Variants in FRMPD4 observed in about 807,000 individuals in gnomAD.
FRMPD4 encodes the protein FERM and PDZ domain containing 4.
Under a neutral mutation model 94.1 loss-of-function variants are expected in FRMPD4, and 22 were observed. The ratio of observed to expected loss-of-function variants is 0.23; its 90% confidence interval spans 0.17 to 0.33. FRMPD4 has a LOEUF of 0.33. Ranked by LOEUF, FRMPD4 falls within the 10% of genes least tolerant of loss-of-function variation. The pLI is 1.00. For missense variants in FRMPD4, 1,111 were observed against 1,339.9 expected (o/e 0.83, Z 2.67); for synonymous variants, 631 against 548.6 (o/e 1.15, Z -2.10).
At chrX:12,161,280 T>A (rs1490940125) in intron 1 of FRMPD4, among the ~76,000 whole-genome samples, 1 of 111,430 alleles carries the variant, frequency 9.0e-6, no homozygotes, top group Non-Finnish European at 1.9e-5. Flanking sequence ...CGCCTCAGCC[T>A]TCCATGTAGC....
intron 1 of FRMPD4, among the ~76,000 whole-genome samples, chrX:11,863,298 T>A (rs974343547): frequency 9.1e-6 from 1 of 110,291 alleles, no homozygotes; most frequent in Non-Finnish European, 1.9e-5. Flanking sequence ...TGAGATAGTT[T>A]GCTGAGAATG....
intron 1 of FRMPD4, among the ~76,000 whole-genome samples, chrX:12,335,629 C>G (rs1473768335): frequency 2.7e-5 from 3 of 111,474 alleles, no homozygotes; most frequent in Non-Finnish European, 5.6e-5. Flanking sequence ...ACTATCTACT[C>G]TCTTTTACAA....
At chrX:12,185,184 A>C (rs1180024164) in intron 1 of FRMPD4, among the ~76,000 whole-genome samples, 1 of 112,045 alleles carries the variant, frequency 8.9e-6, no homozygotes, top group Admixed American at 9.4e-5. Context: ...TAAACTAATA[A>C]GGTCTCCATT....
At chrX:12,328,083 C>G (rs774254203) in intron 1 of FRMPD4, among the ~76,000 whole-genome samples, 3 of 111,025 alleles carry the variant, frequency 2.7e-5, no homozygotes, top group Non-Finnish European at 5.7e-5. Context: ...TGAGGGCCAT[C>G]ATTACTCAAA....
chrX:12,520,983 G>A (rs1404762365), intron 2 of FRMPD4, among the ~76,000 whole-genome samples: 2 of 112,230 alleles, frequency 1.8e-5, no homozygotes, highest in Admixed American at 1.9e-4. Flanking sequence ...GGGTCATACG[G>A]TTTCTGTTGC....
chrX:11,918,564 A>C (rs1173832528), intron 3 of FRMPD4, among the ~76,000 whole-genome samples: 2 of 112,633 alleles, frequency 1.8e-5, no homozygotes, highest in Non-Finnish European at 1.9e-5. Flanking sequence ...AGATCATGCC[A>C]TTGCACTCCA....
chrX:12,637,520 A>AT (rs991724837), intron 4 of FRMPD4, among the ~76,000 whole-genome samples: 11 of 111,077 alleles, frequency 9.9e-5, no homozygotes, highest in Non-Finnish European at 9.4e-5. Context: ...ACATTTCTTA[A>AT]TTTTTTAAAA....
intron 1 of FRMPD4, among the ~76,000 whole-genome samples, chrX:12,352,024 C>G (rs2055822755): frequency 9.0e-6 from 1 of 111,665 alleles, no homozygotes; most frequent in Non-Finnish European, 1.9e-5. Flanking sequence ...CTAGGAGTGT[C>G]ATTGTTGAGC....
intron 1 of FRMPD4, among the ~76,000 whole-genome samples, chrX:11,833,350 A>C (rs1202228933): frequency 8.9e-6 from 1 of 112,246 alleles, no homozygotes; most frequent in African/African-American, 3.2e-5. Context: ...ATTCATCTAG[A>C]TAAATACCAA....
At position 12,716,744 on chromosome X, in the gene FRMPD4, T is replaced by C; in HGVS notation, c.2285T>C (p.Val762Ala). The C allele has an allele frequency of 8.3e-7, 1 of 1,211,102 alleles. No individual in the cohort carries two copies. Among genetic ancestry groups the C allele is most frequent in the Non-Finnish European group, 1.1e-6 (1 of 894,969 alleles). ...GTGAGCTGCGAGGAGGACCTCGTGGTGGGGGAGATGAACCAGCCGGCCATC... is the reference window on the plus strand; with the variant it reads ...GTGAGCTGCGAGGAGGACCTCGTGGCGGGGGAGATGAACCAGCCGGCCATC... Reference protein sequence around the residue: ...DEVSCEEDLVVGEMNQPAILN... With the variant: ...DEVSCEEDLVAGEMNQPAILN... The change falls in exon 15 of 17, where the codon GTG becomes GCG. Residue 762 changes from valine (V) to alanine (A), a missense_variant. Coordinates refer to ENST00000675598, the MANE Select transcript of FRMPD4 (RefSeq NM_001368397.1).
At chrX:12,091,855 A>G (rs2055156236) in intron 3 of FRMPD4, among the ~76,000 whole-genome samples, 1 of 111,069 alleles carries the variant, frequency 9.0e-6, no homozygotes, top group South Asian at 3.8e-4. Flanking sequence ...AATTAGATTC[A>G]TTTTCCAACC....
intron 3 of FRMPD4, among the ~76,000 whole-genome samples, chrX:12,015,552 T>C (rs1755124494): frequency 8.9e-6 from 1 of 112,291 alleles, no homozygotes; most frequent in Non-Finnish European, 1.9e-5. Context: ...CTCCTTTTAT[T>C]CTATCTAAAA....
At chrX:12,105,237 C>T (rs781046383) in intron 3 of FRMPD4, among the ~76,000 whole-genome samples, 1 of 112,082 alleles carries the variant, frequency 8.9e-6, no homozygotes, top group Non-Finnish European at 1.9e-5. Flanking sequence ...TTGGCACTTA[C>T]TCCTCAGGTT....
chrX:12,509,235 G>A (rs186831845), intron 2 of FRMPD4, among the ~76,000 whole-genome samples: 56 of 111,126 alleles, frequency 5.0e-4, no homozygotes, highest in Admixed American at 3.7e-3. Context: ...CCACTACTGG[G>A]TATCTACCCA....
intron 1 of FRMPD4, among the ~76,000 whole-genome samples, chrX:12,403,120 G>A (rs1297410246): frequency 1.8e-5 from 2 of 110,904 alleles, no homozygotes; most frequent in African/African-American, 3.3e-5. Context: ...TTTTACAAAG[G>A]CAACTCAAAT....
At chrX:12,155,574 A>G (rs1007203452) in intron 1 of FRMPD4, among the ~76,000 whole-genome samples, 2 of 75,091 alleles carry the variant, frequency 2.7e-5, no homozygotes, top group Admixed American at 1.6e-4. Flanking sequence ...CAGGTAGCAT[A>G]TCCTCACAAA....
intron 1 of FRMPD4, among the ~76,000 whole-genome samples, chrX:12,193,819 G>C (rs866957267): frequency 3.8e-5 from 1 of 26,620 alleles, no homozygotes; most frequent in African/African-American, 2.2e-4. Context: ...AGGAAGGAAG[G>C]AAGGAAGGAG....
At chrX:12,363,076 G>T (rs2056021113) in intron 1 of FRMPD4, among the ~76,000 whole-genome samples, 1 of 111,674 alleles carries the variant, frequency 9.0e-6, no homozygotes, top group Admixed American at 9.5e-5. Context: ...TTGTAAATTT[G>T]TTTAAGTTCT....
intron 1 of FRMPD4, among the ~76,000 whole-genome samples, chrX:12,297,907 A>C (rs1483255886): frequency 9.0e-6 from 1 of 111,522 alleles, no homozygotes; most frequent in Non-Finnish European, 1.9e-5. Context: ...GCCTACCAAA[A>C]TACAGGCAAC....
Sources: allele counts gnomAD v4.1 joint callset (sites outside exome capture counted in the v4.1 genomes callset), GRCh38; gene constraint gnomAD v4.1.1; transcripts MANE v1.5; gene names NCBI Gene and HGNC (gene_info 2026-07-23, HGNC 2026-07-21).